Variants in SHOC1 observed in about 807,000 individuals in gnomAD.
The protein encoded by SHOC1 is protein shortage in chiasmata 1 ortholog.
Under a neutral mutation model 179.2 loss-of-function variants are expected in SHOC1, and 136 were observed. The observed-to-expected ratio is 0.76, with a 90% confidence interval of 0.66 to 0.87. The LOEUF (loss-of-function observed/expected upper bound fraction) is 0.87. Ranked by LOEUF, SHOC1 falls within the 40% of genes least tolerant of loss-of-function variation. The pLI is 0.00. For missense variants in SHOC1, 1,538 were observed against 1,700.8 expected (o/e 0.90, Z 1.68); for synonymous variants, 489 against 586.6 (o/e 0.83, Z 2.41).
At chr9:111,727,591 G>T in intron 13 of SHOC1, 42 bp downstream of exon 13, 1 of 1,487,904 alleles carries the variant, frequency 6.7e-7, no homozygotes. Flanking sequence ...CTTAGTCCTT[G>T]AGCCTACCAT....
At chr9:111,722,686 C>G in intron 14 of SHOC1, 101 bp from the exon 15 acceptor site, 1 of 896,430 alleles carries the variant, frequency 1.1e-6, no homozygotes, top group Non-Finnish European at 1.6e-6. Flanking sequence ...GAACTTCTAT[C>G]TGAATTATTT....
chr9:111,692,761 C>A (rs957076932), intron 26 of SHOC1, among the ~76,000 whole-genome samples: 10 of 152,038 alleles, frequency 6.6e-5, no homozygotes, highest in Non-Finnish European at 1.3e-4. Flanking sequence ...AGGCTCACAG[C>A]AAATACAATA....
chr9:111,757,142 C>T (rs903241278), intron 7 of SHOC1, among the ~76,000 whole-genome samples: 14 of 152,212 alleles, frequency 9.2e-5, no homozygotes, highest in Admixed American at 7.9e-4. Context: ...GAGTCTCGCT[C>T]TGTCACCCAG....
At position 111,705,168 on chromosome 9, in the gene SHOC1, T is replaced by TAC. The variant is rs879050806; in HGVS notation, c.2855+78_2855+79insGT. 404 of 509,606 alleles carry TAC rather than the reference T, an allele frequency of 7.9e-4. 4 individuals are homozygous for TAC. The highest frequency in any genetic ancestry group is 4.5e-3 in the South Asian group (98 of 21,792). 31.6% of individuals were successfully genotyped at this position (509,606 alleles called of 1,614,324 possible). A position where few individuals can be genotyped will look rare whatever the true frequency, so the allele number is the denominator to read the frequency against. On this transcript the variant is annotated intron_variant, in intron 21 of 27. Transcript: ENST00000682961. Reference sequence around the variant, plus strand: ...ATAATATTTAGCCTATCAGAATATATATACACACACACACACACACACACA... The same window carrying TAC: ...ATAATATTTAGCCTATCAGAATATATACATACACACACACACACACACACACA...
chr9:111,715,203 A>G (rs1832729901), intron 16 of SHOC1, among the ~76,000 whole-genome samples: 1 of 152,168 alleles, frequency 6.6e-6, no homozygotes, highest in Non-Finnish European at 1.5e-5. Flanking sequence ...AATGATTTCT[A>G]TGTCTAAAAA....
chr9:111,794,391 C>T (rs1037267041), intron 1 of SHOC1, among the ~76,000 whole-genome samples: 3 of 151,856 alleles, frequency 2.0e-5, no homozygotes, highest in African/African-American at 4.8e-5. Flanking sequence ...CGAGACCAGC[C>T]GGGTCAACAT....
intron 26 of SHOC1, 65 bp from the exon 27 acceptor site, chr9:111,692,576 T>C (rs1831496447): frequency 7.8e-7 from 1 of 1,281,920 alleles, no homozygotes. Context: ...TGCTTATCTA[T>C]ATGGAAAGAA....
intron 12 of SHOC1, among the ~76,000 whole-genome samples, chr9:111,732,882 C>A (rs1401265249): frequency 6.6e-6 from 1 of 152,128 alleles, no homozygotes; most frequent in Non-Finnish European, 1.5e-5. Flanking sequence ...ATATACTTGT[C>A]AAAATTCATC....
intron 5 of SHOC1, among the ~76,000 whole-genome samples, chr9:111,762,350 C>T (rs189911117): frequency 6.6e-6 from 1 of 151,882 alleles, no homozygotes; most frequent in East Asian, 1.9e-4. Flanking sequence ...ATCACTTGAG[C>T]CCGGGGGTTT....
Position 111,686,804 on chromosome 9 carries a change from C to G in SHOC1, c.4493G>C (p.Arg1498Thr). Reference protein sequence around the residue: ...RRLAYEKVPGRVDGQTRLRFF With the variant: ...RRLAYEKVPGTVDGQTRLRFF ...CCTCAGCCGAGTCTGCCCATCAACT[C>G]TACCAGGGACTTTTTCATATGCTAG... is the stretch of plus-strand genomic sequence containing the variant. The change falls in exon 28 of 28, where the codon AGA becomes ACA. Residue 1498 changes from arginine (R) to threonine (T), a missense_variant. Coordinates refer to ENST00000682961, the MANE Select transcript of SHOC1 (RefSeq NM_001378211.1). 6.2e-7 allele frequency: 1 copy of G among 1,613,724 alleles called. No individual in the cohort carries two copies. Among genetic ancestry groups the G allele is most frequent in the African/African-American group, 1.3e-5 (1 of 75,034 alleles).
intron 18 of SHOC1, among the ~76,000 whole-genome samples, chr9:111,709,904 C>T (rs1254560164): frequency 6.6e-6 from 1 of 151,966 alleles, no homozygotes; most frequent in African/African-American, 2.4e-5. Context: ...TATGTTCCCA[C>T]AAAAACTAAA....
chr9:111,780,887 T>C (rs1334315935), intron 4 of SHOC1, 43 bp downstream of exon 4: 16 of 1,369,564 alleles, frequency 1.2e-5, no homozygotes, highest in Non-Finnish European at 1.5e-5. Flanking sequence ...CTGTTTATCT[T>C]CTACTAGATG....
chr9:111,696,831 T>C (rs751904249), intron 24 of SHOC1, among the ~76,000 whole-genome samples: 13 of 152,162 alleles, frequency 8.5e-5, no homozygotes, highest in Non-Finnish European at 1.5e-4. Flanking sequence ...TAGAGACAAA[T>C]TTACATTTGT....
intron 13 of SHOC1, among the ~76,000 whole-genome samples, chr9:111,726,988 T>C (rs1009685893): frequency 1.3e-5 from 2 of 152,190 alleles, no homozygotes; most frequent in Admixed American, 6.5e-5. Context: ...GTTGCATCAA[T>C]GTGTACTGGA....
intron 16 of SHOC1, among the ~76,000 whole-genome samples, chr9:111,714,949 T>C (rs1400885422): frequency 6.6e-6 from 1 of 152,242 alleles, no homozygotes; most frequent in African/African-American, 2.4e-5. Flanking sequence ...GGAAGTCCTG[T>C]TGAACTGCTA....
At chr9:111,791,486 G>C in intron 1 of SHOC1, 32 bp from the exon 2 acceptor site, 1 of 1,041,748 alleles carries the variant, frequency 9.6e-7, no homozygotes. Context: ...TTAAACACTG[G>C]TAAAATAGCA....
intron 12 of SHOC1, 123 bp from the exon 13 acceptor site, chr9:111,728,172 G>A (rs1318453052): frequency 6.0e-6 from 4 of 671,484 alleles, no homozygotes; most frequent in Non-Finnish European, 8.9e-6. Context: ...TGAGCACTTT[G>A]TTTACTGCTT....
chr9:111,718,356 C>A, intron 15 of SHOC1, 68 bp from the exon 16 acceptor site: 1 of 1,020,320 alleles, frequency 9.8e-7, no homozygotes. Flanking sequence ...GTATCAGAAT[C>A]TGCCTAATAA....
chr9:111,709,849 C>A (rs189071339), intron 18 of SHOC1, among the ~76,000 whole-genome samples: 2 of 152,106 alleles, frequency 1.3e-5, no homozygotes, highest in African/African-American at 4.8e-5. Flanking sequence ...ACATTGCATG[C>A]CTGTATCAAA....
Sources: gnomAD v4.1 joint callset for allele counts (sites outside exome capture counted in the v4.1 genomes callset) on GRCh38, gnomAD v4.1.1 for gene constraint, MANE v1.5 for transcripts, NCBI Gene and HGNC (gene_info 2026-07-23, HGNC 2026-07-21) for gene names.